Variants in CNTNAP2 observed in about 807,000 individuals in gnomAD.
CNTNAP2 encodes contactin-associated protein-like 2.
CNTNAP2 carries 98 observed loss-of-function variants against 155.2 expected under a neutral mutation model. That is an observed-to-expected ratio of 0.63 (90% CI 0.54 to 0.75). The LOEUF is 0.75. CNTNAP2 is among the 30% of genes least tolerant of loss of function. CNTNAP2 has a pLI of 0.00. For missense variants in CNTNAP2, 1,727 were observed against 1,688.1 expected (o/e 1.02, Z -0.40); for synonymous variants, 651 against 631.2 (o/e 1.03, Z -0.47).
At chr7:147,002,511 TCAGA>T (rs1427944918) in intron 3 of CNTNAP2, among the ~76,000 whole-genome samples, 2 of 152,040 alleles carry the variant, frequency 1.3e-5, no homozygotes, top group Non-Finnish European at 2.9e-5. Flanking sequence ...ACATACATTC[TCAGA>T]CAAACAAAAC....
At chr7:147,531,806 CTT>C (rs200069487) in intron 11 of CNTNAP2, among the ~76,000 whole-genome samples, 39 of 129,668 alleles carry the variant, frequency 3.0e-4, no homozygotes, top group Non-Finnish European at 4.5e-4. Context: ...TTTTTCTTTT[CTT>C]TTTTTTTTTT....
chr7:148,118,003 A>G, intron 15 of CNTNAP2, 115 bp from the exon 16 acceptor site: 1 of 1,189,340 alleles, frequency 8.4e-7, no homozygotes, highest in Non-Finnish European at 1.2e-6. Context: ...ACAGAATGAG[A>G]GAAAATAATG....
intron 13 of CNTNAP2, among the ~76,000 whole-genome samples, chr7:147,854,556 C>T (rs1039628063): frequency 2.0e-5 from 3 of 152,076 alleles, no homozygotes; most frequent in Non-Finnish European, 2.9e-5. Context: ...ATATAAAACT[C>T]CCCAGCCCCT....
chr7:147,639,208 C>T lies in CNTNAP2; in HGVS notation c.2000C>T (p.Ala667Val). The T allele has an allele frequency of 6.2e-7, 1 of 1,614,128 alleles. No individual in the cohort carries two copies. Among genetic ancestry groups the T allele is most frequent in the Admixed American group, 1.7e-5 (1 of 60,010 alleles). The change falls in exon 13 of 24, where the codon GCC becomes GTC. Residue 667 changes from alanine to valine, a missense_variant. By Grantham distance (64) the Ala-to-Val change is moderately conservative. Transcript: ENST00000361727. ...TCAGTGACACAGCTCGTTTACAGCG[C>T]CTCCATGGACCAGATAAGTGCCATC... ...KYSVTQLVYS[A>V]SMDQISAITD... is the part of the protein sequence containing the mutation.
At chr7:147,764,738 G>T (rs1797358779) in intron 13 of CNTNAP2, among the ~76,000 whole-genome samples, 1 of 152,142 alleles carries the variant, frequency 6.6e-6, no homozygotes, top group South Asian at 2.1e-4. Context: ...TGCTGAAATA[G>T]CCCAAGAGTA....
intron 13 of CNTNAP2, among the ~76,000 whole-genome samples, chr7:147,759,152 C>T (rs972546097): frequency 1.3e-5 from 2 of 152,142 alleles, no homozygotes; most frequent in Non-Finnish European, 1.5e-5. Flanking sequence ...TCCTCCCATG[C>T]GTAAACCTTT....
intron 1 of CNTNAP2, among the ~76,000 whole-genome samples, chr7:146,513,809 A>G (rs1004284882): frequency 6.6e-6 from 1 of 151,916 alleles, no homozygotes; most frequent in African/African-American, 2.4e-5. Context: ...GTTTAACTGC[A>G]TATTAGTGTC....
chr7:147,835,657 C>T (rs1024479612), intron 13 of CNTNAP2, among the ~76,000 whole-genome samples: 1 of 152,154 alleles, frequency 6.6e-6, no homozygotes, highest in African/African-American at 2.4e-5. Context: ...AAGTTCTCAT[C>T]CCTGGTACCT....
chr7:147,049,172 C>G (rs905875368), intron 4 of CNTNAP2, among the ~76,000 whole-genome samples: 3 of 152,192 alleles, frequency 2.0e-5, no homozygotes, highest in Non-Finnish European at 4.4e-5. Flanking sequence ...AACACTGTTG[C>G]ATTGGGGATT....
intron 1 of CNTNAP2, among the ~76,000 whole-genome samples, chr7:146,691,974 T>A (rs780035910): frequency 1.3e-5 from 2 of 152,156 alleles, no homozygotes; most frequent in Non-Finnish European, 2.9e-5. Context: ...CCATTACGAA[T>A]GTTCTGAGAC....
intron 16 of CNTNAP2, among the ~76,000 whole-genome samples, chr7:148,146,393 T>G (rs1423846517): frequency 1.3e-5 from 2 of 152,244 alleles, no homozygotes; most frequent in African/African-American, 2.4e-5. Flanking sequence ...TTTAAAAAGC[T>G]TGTTTATAAA....
In CNTNAP2 at chr7:147,616,187, A is replaced by G. The variant is rs113530650; in HGVS notation, c.1898-22919A>G. 1.8e-3 allele frequency among the ~76,000 whole-genome samples: 271 copies of G among 152,218 alleles called. 2 individuals carry two copies. The highest frequency in any genetic ancestry group is 6.1e-3 in the African/African-American group (254 of 41,542). ...AAATTATATTTTTTAATGTATTTCC[A>G]CTTCTCTGTCACCTCCACTGCCACC... is the stretch of plus-strand genomic sequence containing the variant. On this transcript the variant is annotated intron_variant, in intron 12 of 23. Coordinates refer to ENST00000361727, the MANE Select transcript of CNTNAP2 (RefSeq NM_014141.6).
chr7:147,688,461 T>C (rs1241342386), intron 13 of CNTNAP2, among the ~76,000 whole-genome samples: 3 of 152,172 alleles, frequency 2.0e-5, no homozygotes, highest in African/African-American at 7.2e-5. Context: ...ACAGCTCACA[T>C]AGCCGCCTTT....
intron 3 of CNTNAP2, among the ~76,000 whole-genome samples, chr7:146,929,796 A>C (rs550844927): frequency 6.6e-6 from 1 of 152,370 alleles, no homozygotes; most frequent in South Asian, 2.1e-4. Context: ...AAGAATGCAG[A>C]AGCCTCAGGA....
chr7:146,829,145 ATAT>A (rs1394589125), intron 2 of CNTNAP2, among the ~76,000 whole-genome samples: 2 of 152,122 alleles, frequency 1.3e-5, no homozygotes, highest in African/African-American at 4.8e-5. Flanking sequence ...AATAATTTAC[ATAT>A]TTTTTAAATA....
intron 21 of CNTNAP2, among the ~76,000 whole-genome samples, chr7:148,277,199 T>C (rs370951541): frequency 6.6e-6 from 1 of 152,068 alleles, no homozygotes; most frequent in Non-Finnish European, 1.5e-5. Flanking sequence ...GGTCCTTGAG[T>C]TTGCATGGCC....
chr7:146,938,141 A>C (rs1796963179), intron 3 of CNTNAP2, among the ~76,000 whole-genome samples: 1 of 152,124 alleles, frequency 6.6e-6, no homozygotes, highest in African/African-American at 2.4e-5. Context: ...TCTGATCTCT[A>C]GTCTCCCCTA....
At chr7:148,400,330 G>A (rs188536416) in intron 22 of CNTNAP2, among the ~76,000 whole-genome samples, 2 of 152,298 alleles carry the variant, frequency 1.3e-5, no homozygotes, top group East Asian at 3.9e-4. Context: ...CTTCAGACCG[G>A]GGTTTAAATG....
chr7:146,718,898 C>A (rs556327711), intron 1 of CNTNAP2, among the ~76,000 whole-genome samples: 5 of 152,196 alleles, frequency 3.3e-5, no homozygotes, highest in Admixed American at 1.3e-4. Context: ...AAGCATGCAA[C>A]CTCGGTCTTC....
Sources: gnomAD v4.1 joint callset for allele counts (sites outside exome capture counted in the v4.1 genomes callset) on GRCh38, gnomAD v4.1.1 for gene constraint, MANE v1.5 for transcripts, NCBI Gene and HGNC (gene_info 2026-07-23, HGNC 2026-07-21) for gene names.